Variants in VARS1 observed in about 807,000 individuals in gnomAD.
VARS1 encodes valine--tRNA ligase.
In VARS1, 92 loss-of-function variants were observed where a neutral mutation model predicts 161.0. The ratio of observed to expected loss-of-function variants is 0.57; its 90% CI spans 0.48 to 0.68. The LOEUF is 0.68. Ranked by LOEUF, VARS1 falls within the 30% of genes least tolerant of loss-of-function variation. The pLI is 0.00. For synonymous variants in VARS1, 595 were observed against 682.5 expected, an observed-to-expected ratio of 0.87 and a Z score of 2.00; for missense variants, 1,338 against 1,695.9, an observed-to-expected ratio of 0.79 and a Z score of 3.71.
In VARS1 at chr6:31,779,458, C is replaced by G; in HGVS notation, c.3367G>C (p.Ala1123Pro). Reference protein sequence around the residue: ...SITRAVRSLRADYNLTRIRPD... With the variant: ...SITRAVRSLRPDYNLTRIRPD... The stretch of plus-strand genomic sequence containing the variant: ...CGGATCCGGGTGAGGTTGTAGTCGG[C>G]CCGCAGGGAGCGCACGGCTCGCGTG... Residue 1123 changes from alanine to proline, a missense_variant, in exon 28 of 30, where the codon GCC (alanine) becomes CCC (proline). This residue lies in a region of VARS1 where 433 missense variants were observed against 586.2 expected (regional missense o/e 0.74). Coordinates refer to ENST00000375663, the MANE Select transcript of VARS1 (RefSeq NM_006295.3). The surrounding 1 kb of genome is among the most constrained non-coding windows in gnomAD (Gnocchi z 9.1). 1.2e-6 allele frequency: 2 copies of G among 1,612,600 alleles called. No individual in the cohort carries two copies. The highest frequency in any genetic ancestry group is 1.1e-5 in the South Asian group (1 of 91,078).
intron 2 of VARS1, 149 bp downstream of exon 2, chr6:31,794,682 C>T: frequency 1.7e-6 from 2 of 1,148,032 alleles, no homozygotes; most frequent in Non-Finnish European, 2.4e-6. Flanking sequence ...ATGAAACGTG[C>T]CCAGGGTTAC....
Position 31,794,863 on chromosome 6 carries a change from G to A in VARS1, c.355C>T (p.Leu119=). 6.2e-7 allele frequency: 1 copy of A among 1,609,564 alleles called. No homozygotes were observed. The highest frequency in any genetic ancestry group is 8.5e-7 in the Non-Finnish European group (1 of 1,177,430). Residue 119 remains leucine (L), a synonymous_variant, in exon 2 of 30, where the codon CTG becomes TTG. Transcript: ENST00000375663. ...TCCTGGGCCGAGCTTCGGAGTCCCAGGGCCGGCAGCGTTGCTCCACAGGCA... is the reference window on the plus strand; with the variant it reads ...TCCTGGGCCGAGCTTCGGAGTCCCAAGGCCGGCAGCGTTGCTCCACAGGCA... The part of the protein sequence containing the change: ...PAACGATLPA[L]GLRSSAQDPQ...
In VARS1 at chr6:31,781,211, C is replaced by T. The variant is rs1027392868; in HGVS notation, c.2545-88G>A. On this transcript the variant is annotated intron_variant, in intron 21 of 29. Transcript: ENST00000375663. The surrounding 1 kb of genome is among the most constrained non-coding windows in gnomAD (Gnocchi z 6.8). ...GACCAGGACTGTGTCTGGTCTACCC[C>T]ACTGTGAACCTCAGGTCCCACTGAG... 15 of 1,458,428 alleles carry T rather than the reference C, an allele frequency of 1.0e-5. No individual in the cohort carries two copies. The highest frequency in any genetic ancestry group is 1.4e-5 in the African/African-American group (1 of 71,914). 90.3% of individuals were successfully genotyped at this position (1,458,428 alleles called of 1,614,324 possible).
Position 31,782,860 on chromosome 6 carries a change from G to A in VARS1, c.1763-15C>T. ...CTTCACAGCACCTGGGTGTACATCA[G>A]GATGCCCAGGTCATGAGGGACTCCA... On this transcript the variant is annotated splice_polypyrimidine_tract_variant and intron_variant, in intron 14 of 29. Coordinates refer to ENST00000375663, the MANE Select transcript of VARS1 (RefSeq NM_006295.3). The surrounding 1 kb of genome is among the most constrained non-coding windows in gnomAD (Gnocchi z 8.3). 1 of 1,606,198 alleles carries A rather than the reference G, an allele frequency of 6.2e-7. No individual in the cohort carries two copies. Among genetic ancestry groups the A allele is most frequent in the Non-Finnish European group, 8.5e-7 (1 of 1,176,486 alleles).
intron 8 of VARS1, among the ~76,000 whole-genome samples, chr6:31,787,474 GTC>G (rs960565676): frequency 7.9e-5 from 12 of 151,752 alleles, no homozygotes; most frequent in Non-Finnish European, 1.3e-4. Flanking sequence ...GCAAAACTCT[GTC>G]TACTAAAAAT....
chr6:31,791,679 G>T lies in VARS1; in HGVS notation c.1031C>A (p.Pro344His), dbSNP rs752053473. 2.5e-5 allele frequency: 41 copies of T among 1,612,918 alleles called. No homozygotes were observed. The highest frequency in any genetic ancestry group is 5.3e-5 in the African/African-American group (4 of 74,896). The change falls in exon 8 of 30, where the codon CCC (proline) becomes CAC (histidine). Residue 344 changes from proline (P) to histidine (H), a missense_variant. Pro to His is a moderately conservative substitution (Grantham distance 77, BLOSUM62 -2). This residue lies in a region of VARS1 where 902 missense variants were observed against 1,090.3 expected (regional missense o/e 0.83). Transcript: ENST00000375663. The surrounding 1 kb of genome is among the most constrained non-coding windows in gnomAD (Gnocchi z 5.0). Reference protein sequence around the residue: ...RGVFMMCIPPPNVTGSLHLGH... With the variant: ...RGVFMMCIPPHNVTGSLHLGH... ...CAGGTGCAGGGAGCCTGTCACATTGGGGGGTGGGATGCACATCATGAAGAC... is the reference window on the plus strand; with the variant it reads ...CAGGTGCAGGGAGCCTGTCACATTGTGGGGTGGGATGCACATCATGAAGAC...
In VARS1 at chr6:31,793,682, A is replaced by C. The variant is rs983692064; in HGVS notation, c.388-562T>G. 5.9e-5 allele frequency among the ~76,000 whole-genome samples: 9 copies of C among 152,332 alleles called. No individual in the cohort carries two copies. The South Asian group carries it at 1.7e-3, about 28-fold the overall frequency. On this transcript the variant is annotated intron_variant, in intron 2 of 29. Transcript: ENST00000375663. ...TACTTCTCCAGGGAATGAGAGGAAA[A>C]CACGAACAGATGGACAGAACCCTGA...
Position 31,791,513 on chromosome 6 carries a change from C to A in VARS1, c.1100+97G>T, listed in dbSNP as rs1244817343. On this transcript the variant is annotated intron_variant, in intron 8 of 29. Transcript: ENST00000375663. The surrounding 1 kb of genome is among the most constrained non-coding windows in gnomAD (Gnocchi z 5.0). ...GCACCACTGGGGGCAGAAGTGAGCA[C>A]CAACCCAGAAGGAGAGAGGCTCGGG... The A allele has an allele frequency of 6.7e-7, 1 of 1,488,294 alleles. No individual in the cohort carries two copies. 92.2% of individuals were successfully genotyped at this position (1,488,294 alleles called of 1,614,324 possible). A position where few individuals can be genotyped will look rare whatever the true frequency, so the allele number is the denominator to read the frequency against.
chr6:31,785,110 G>T lies in VARS1; in HGVS notation c.1347+136C>A. ...TGGCGAGGGGTGGGAAGTGGCATTTGCAGCTGAGCCCTCCATGGTGTTTTA... is the reference window on the plus strand; with the variant it reads ...TGGCGAGGGGTGGGAAGTGGCATTTTCAGCTGAGCCCTCCATGGTGTTTTA... On this transcript the variant is annotated intron_variant, in intron 10 of 29. Coordinates refer to ENST00000375663, the MANE Select transcript of VARS1 (RefSeq NM_006295.3). This position sits in a 1 kb window ranked among gnomAD's most constrained non-coding sequence, Gnocchi z 6.1. 2 of 971,140 alleles carry T rather than the reference G, an allele frequency of 2.1e-6. No homozygotes were observed. The highest frequency in any genetic ancestry group is 1.6e-5 in the African/African-American group (1 of 61,728). 60.2% of individuals were successfully genotyped at this position (971,140 alleles called of 1,614,324 possible). A position where few individuals can be genotyped will look rare whatever the true frequency, so the allele number is the denominator to read the frequency against.
At position 31,791,107 on chromosome 6, in the gene VARS1, C is replaced by T. The variant is rs768670980; in HGVS notation, c.1100+503G>A. ...CAGCGGTTGCCATGAGCCGAGATGG[C>T]GTCACTGCACTCCGGCCTGGGCAAC... On this transcript the variant is annotated intron_variant, in intron 8 of 29. Coordinates refer to ENST00000375663, the MANE Select transcript of VARS1 (RefSeq NM_006295.3). This position sits in a 1 kb window ranked among gnomAD's most constrained non-coding sequence, Gnocchi z 5.0. 2.6e-5 allele frequency among the ~76,000 whole-genome samples: 4 copies of T among 151,990 alleles called. No homozygotes were observed. The highest frequency in any genetic ancestry group is 4.8e-5 in the African/African-American group (2 of 41,366).
At position 31,791,827 on chromosome 6, in the gene VARS1, CCCCACCCCA is replaced by C. The variant is rs777210624; in HGVS notation, c.972+35_972+43del. On this transcript the variant is annotated intron_variant, in intron 7 of 29. Coordinates refer to ENST00000375663, the MANE Select transcript of VARS1 (RefSeq NM_006295.3). The surrounding 1 kb of genome is among the most constrained non-coding windows in gnomAD (Gnocchi z 5.0). ...CAACACATCCTTCAGTCCTGCCCTT[CCCCACCCCA>C]CCCACTCTGGGCCTGGGCAGCAGTG... The C allele has an allele frequency of 3.2e-4, 515 of 1,612,126 alleles. 1 individual carries two copies. The highest frequency in any genetic ancestry group is 4.0e-4 in the Non-Finnish European group (473 of 1,179,532).
chr6:31,783,285 A>C, intron 13 of VARS1, 99 bp from the exon 14 acceptor site: 1 of 1,285,458 alleles, frequency 7.8e-7, no homozygotes, highest in Non-Finnish European at 1.1e-6. Context: ...TGGGCAGATC[A>C]CTTGAGGCCG....
In VARS1 at chr6:31,785,955, C is replaced by T. The variant is rs151144222; in HGVS notation, c.1101-222G>A. On this transcript the variant is annotated intron_variant, in intron 8 of 29. Coordinates refer to ENST00000375663, the MANE Select transcript of VARS1 (RefSeq NM_006295.3). This position sits in a 1 kb window ranked among gnomAD's most constrained non-coding sequence, Gnocchi z 6.1. Reference sequence around the variant, plus strand: ...GAGCCTGGCCAACATGGTAAAACCCCGTCTCTACTAAAAATACAAAATTAG... The same window carrying T: ...GAGCCTGGCCAACATGGTAAAACCCTGTCTCTACTAAAAATACAAAATTAG... Among the ~76,000 whole-genome samples the T allele has an allele frequency of 4.5e-3, 679 of 151,982 alleles. 5 individuals carry two copies. Among genetic ancestry groups the T allele is most frequent in the African/African-American group, 0.016 (643 of 41,474 alleles).
In VARS1 at chr6:31,785,347, G is replaced by A. The variant is rs1480968583; in HGVS notation, c.1266-20C>T. ...CCTTTCCTGGAAGCAGACAGGCTGAGGTCAGCACTCGTGCCTGGGCTAGAG... is the reference window on the plus strand; with the variant it reads ...CCTTTCCTGGAAGCAGACAGGCTGAAGTCAGCACTCGTGCCTGGGCTAGAG... On this transcript the variant is annotated intron_variant, in intron 9 of 29. Coordinates refer to ENST00000375663, the MANE Select transcript of VARS1 (RefSeq NM_006295.3). The surrounding 1 kb of genome is among the most constrained non-coding windows in gnomAD (Gnocchi z 6.1). The A allele has an allele frequency of 6.2e-7, 1 of 1,612,886 alleles. No individual in the cohort carries two copies. Among genetic ancestry groups the A allele is most frequent in the East Asian group, 2.2e-5 (1 of 44,884 alleles).
At chr6:31,792,322 A>G (rs1462820132) in intron 5 of VARS1, 21 bp from the exon 6 acceptor site, 13 of 1,613,848 alleles carry the variant, frequency 8.1e-6, no homozygotes, top group African/African-American at 1.3e-5. Flanking sequence ...GGGAGAAGAC[A>G]TAGGCCCAGG....
Position 31,792,984 on chromosome 6 carries a change from A to ACGTAT in VARS1, c.519_522+1dup. The ACGTAT allele has an allele frequency of 6.2e-7, 1 of 1,613,786 alleles. No individual in the cohort carries two copies. On this transcript the variant is annotated splice_donor_variant, in intron 3 of 29. Transcript: ENST00000375663. LOFTEE classifies it high-confidence loss of function. ...TGTTCTTCCCCAGGCCTGGTGACTC[A>ACGTAT]CGTATCGGAAAGGCAGCAGCAAGGC...
chr6:31,784,107 C>T lies in VARS1; in HGVS notation c.1671+107G>A. ...AAGAAGCTGAAGACCAGTTTCTAAC[C>T]CAGTTTCCTCTCCTCAGCCAGGGGC... On this transcript the variant is annotated intron_variant, in intron 13 of 29. Transcript: ENST00000375663. This position sits in a 1 kb window ranked among gnomAD's most constrained non-coding sequence, Gnocchi z 6.1. 7.8e-7 allele frequency: 1 copy of T among 1,282,004 alleles called. No individual in the cohort carries two copies. The highest frequency in any genetic ancestry group is 1.1e-6 in the Non-Finnish European group (1 of 904,618). The allele number at this position is 1,282,004 out of a possible 1,614,324, so 79.4% of individuals were successfully genotyped here. A position where few individuals can be genotyped will look rare whatever the true frequency, so the allele number is the denominator to read the frequency against.
chr6:31,794,886 G>A lies in VARS1; in HGVS notation c.332C>T (p.Ala111Val). The part of the protein sequence containing the change: ...SYADTELIPA[A>V]CGATLPALGL... ...CAGGGCCGGCAGCGTTGCTCCACAG[G>A]CAGCTGGTATTAACTCCGTGTCGGC... is the stretch of plus-strand genomic sequence containing the variant. Residue 111 changes from alanine to valine, a missense_variant, in exon 2 of 30, where the codon GCC becomes GTC. Coordinates refer to ENST00000375663, the MANE Select transcript of VARS1 (RefSeq NM_006295.3). 2 of 1,612,208 alleles carry A rather than the reference G, an allele frequency of 1.2e-6. No individual in the cohort carries two copies. Among genetic ancestry groups the A allele is most frequent in the Non-Finnish European group, 1.7e-6 (2 of 1,179,528 alleles).
At position 31,785,162 on chromosome 6, in the gene VARS1, ACAACACCTCTGCTTT is replaced by A. The variant is rs1813413765; in HGVS notation, c.1347+69_1347+83del. The A allele has an allele frequency of 6.5e-7, 1 of 1,546,894 alleles. No homozygotes were observed. Among genetic ancestry groups the A allele is most frequent in the Non-Finnish European group, 8.9e-7 (1 of 1,123,276 alleles). The stretch of plus-strand genomic sequence containing the variant: ...ATGGGCCAGCTCCTGAGAGAGGGCC[ACAACACCTCTGCTTT>A]CTCCTGTGGGGGTCCCACCCTGGGG... On this transcript the variant is annotated intron_variant, in intron 10 of 29. Coordinates refer to ENST00000375663, the MANE Select transcript of VARS1 (RefSeq NM_006295.3). This position sits in a 1 kb window ranked among gnomAD's most constrained non-coding sequence, Gnocchi z 6.1.
Sources: gnomAD v4.1 joint callset for allele counts (sites outside exome capture counted in the v4.1 genomes callset) on GRCh38, gnomAD v4.1.1 for gene constraint, gnomAD v4.1.1 regional missense constraint, Gnocchi (gnomAD v3.1) non-coding constraint, MANE v1.5 for transcripts, NCBI Gene and HGNC (gene_info 2026-07-23, HGNC 2026-07-21) for gene names.